CYP20A1: variants seen among roughly 807,000 people sequenced by gnomAD.
The protein encoded by CYP20A1 is cytochrome P450 family 20 subfamily A member 1.
A neutral mutation model predicts 61.4 loss-of-function variants in CYP20A1; 61 were observed. The ratio of observed to expected loss-of-function variants is 0.99; its 90% CI spans 0.81 to 1.23. The LOEUF (loss-of-function observed/expected upper bound fraction) is 1.23, where lower values mean the gene tolerates loss of function less well. Ranked by LOEUF, CYP20A1 falls within the 50% of genes most tolerant of loss-of-function variation. The pLI is 0.00. For missense variants in CYP20A1, 530 were observed against 542.4 expected, an observed-to-expected ratio of 0.98 and a Z score of 0.23; for synonymous variants, 193 against 188.2, an observed-to-expected ratio of 1.03 and a Z score of -0.21.
intron 5 of CYP20A1, among the ~76,000 whole-genome samples, chr2:203,271,525 T>A (rs2067597949): frequency 6.6e-6 from 1 of 152,198 alleles, no homozygotes; most frequent in Non-Finnish European, 1.5e-5. Context: ...TTTCCCTAAA[T>A]TCTTTTTAGA....
At chr2:203,295,418 T>A (rs1371790761) in intron 11 of CYP20A1, among the ~76,000 whole-genome samples, 5 of 152,156 alleles carry the variant, frequency 3.3e-5, no homozygotes, top group Admixed American at 2.0e-4. Context: ...AATTGATAAA[T>A]ATAATTTTAA....
chr2:203,239,470 G>C (rs1448416671), intron 1 of CYP20A1, among the ~76,000 whole-genome samples: 1 of 152,232 alleles, frequency 6.6e-6, no homozygotes, highest in Non-Finnish European at 1.5e-5. Flanking sequence ...ACTTTGGGCA[G>C]CTTTTTGGCC....
intron 4 of CYP20A1, among the ~76,000 whole-genome samples, chr2:203,262,292 A>G (rs1319042420): frequency 7.9e-5 from 12 of 152,142 alleles, no homozygotes; most frequent in Admixed American, 7.9e-4. Context: ...TCCTGGCCTC[A>G]AGTGATCCTC....
intron 4 of CYP20A1, among the ~76,000 whole-genome samples, chr2:203,256,083 C>T (rs1354644562): frequency 6.6e-6 from 1 of 152,196 alleles, no homozygotes; most frequent in Non-Finnish European, 1.5e-5. Context: ...CCCACCCCAG[C>T]CGCCTGAGTA....
rs545531734 is a variant in CYP20A1 at position 203,273,737 on chromosome 2, A to T, written c.679+989A>T. Among the ~76,000 whole-genome samples the T allele has an allele frequency of 7.2e-4, 110 of 152,310 alleles. 2 individuals are homozygous for T. Among genetic ancestry groups the T allele is most frequent in the Middle Eastern group, 3.4e-3 (1 of 294 alleles). ...GGTAGGCAGATTACTTGAGGCCAGG[A>T]GTTCGAGACCAATCTAGCCAACATA... On this transcript the variant is annotated intron_variant, in intron 6 of 12. Transcript: ENST00000356079.
At chr2:203,255,473 G>A (rs2066859612) in intron 4 of CYP20A1, among the ~76,000 whole-genome samples, 1 of 151,996 alleles carries the variant, frequency 6.6e-6, no homozygotes, top group African/African-American at 2.4e-5. Flanking sequence ...GATTTGTATT[G>A]GTTTAAAAAG....
intron 8 of CYP20A1, among the ~76,000 whole-genome samples, chr2:203,283,285 C>T (rs1402793135): frequency 4.4e-5 from 6 of 136,822 alleles, no homozygotes; most frequent in Admixed American, 2.4e-4. Context: ...GGTGCAATCT[C>T]GGCTCACTGC....
chr2:203,292,359 T>G lies in CYP20A1; in HGVS notation c.1148+33T>G, dbSNP rs367840864. 2.6e-5 allele frequency: 40 copies of G among 1,532,966 alleles called. 1 individual carries two copies. The highest frequency in any genetic ancestry group is 1.6e-4 in the African/African-American group (12 of 73,302). The allele number at this position is 1,532,966 out of a possible 1,614,324, so 95.0% of individuals were successfully genotyped here. On this transcript the variant is annotated intron_variant, in intron 11 of 12. Transcript: ENST00000356079. ...ATATTTGTCATTGTATTTGTGACTG[T>G]CAGTTTTTGTGTTTGCACGTTTTGC...
chr2:203,295,237 G>A (rs144119883), intron 11 of CYP20A1, among the ~76,000 whole-genome samples: 1 of 151,790 alleles, frequency 6.6e-6, no homozygotes, highest in African/African-American at 2.4e-5. Flanking sequence ...GAGCCACCGC[G>A]CCTGGCCAAA....
At chr2:203,286,164 C>T (rs1470037565) in intron 9 of CYP20A1, among the ~76,000 whole-genome samples, 1 of 152,180 alleles carries the variant, frequency 6.6e-6, no homozygotes, top group East Asian at 1.9e-4. Context: ...TGGGACGTGC[C>T]TGTAGTCCAA....
At position 203,272,616 on chromosome 2, in the gene CYP20A1, A is replaced by G. The variant is rs1268308875; in HGVS notation, c.601-54A>G. The G allele has an allele frequency of 1.5e-5, 15 of 972,668 alleles. No individual in the cohort carries two copies. In the East Asian group the frequency reaches 4.3e-4, roughly 28 times the overall value. The allele number at this position is 972,668 out of a possible 1,614,324, so 60.3% of individuals were successfully genotyped here. A position where few individuals can be genotyped will look rare whatever the true frequency, so the allele number is the denominator to read the frequency against. ...TCATTAGGTTACATTGCTCTGTATT[A>G]TTTTTAAAATTCTACCTATTAGATA... On this transcript the variant is annotated intron_variant, in intron 5 of 12. Coordinates refer to ENST00000356079, the MANE Select transcript of CYP20A1 (RefSeq NM_177538.3).
chr2:203,292,463 C>T (rs1351349878), intron 11 of CYP20A1, 137 bp downstream of exon 11: 1 of 632,000 alleles, frequency 1.6e-6, no homozygotes, highest in Non-Finnish European at 2.8e-6. Context: ...ATCCCCTTTT[C>T]TTCTCTTTCT....
intron 4 of CYP20A1, among the ~76,000 whole-genome samples, chr2:203,265,468 G>T (rs556077940): frequency 2.0e-5 from 3 of 152,050 alleles, no homozygotes; most frequent in Non-Finnish European, 2.9e-5. Flanking sequence ...TTTATACTTT[G>T]ATTTTGTACA....
rs2069039700 is a variant in CYP20A1, at chr2:203,301,924, T to TG, written c.*5016_*5017insG. On this transcript the variant is annotated 3_prime_UTR_variant, in exon 13 of 13. Transcript: ENST00000356079. ...ACCACTGTTAAGATTCTTTTTTTTTTTTTTTTTTTTTTGTTTTGAGACTGA... is the reference window on the plus strand; with the variant it reads ...ACCACTGTTAAGATTCTTTTTTTTTTGTTTTTTTTTTTTGTTTTGAGACTGA... 1.4e-5 allele frequency among the ~76,000 whole-genome samples: 2 copies of TG among 146,480 alleles called. No homozygotes were observed. The highest frequency in any genetic ancestry group is 1.4e-4 in the Admixed American group (2 of 14,582).
intron 8 of CYP20A1, among the ~76,000 whole-genome samples, chr2:203,284,251 G>T (rs997841627): frequency 3.3e-5 from 5 of 152,130 alleles, no homozygotes; most frequent in Non-Finnish European, 7.4e-5. Flanking sequence ...GCAGGAAAGA[G>T]ATCATTGGTA....
At chr2:203,240,436 G>GA (rs1333608454) in intron 1 of CYP20A1, among the ~76,000 whole-genome samples, 1 of 152,212 alleles carries the variant, frequency 6.6e-6, no homozygotes, top group Non-Finnish European at 1.5e-5. Flanking sequence ...ATCCAGCCGT[G>GA]AAACAAACCG....
At chr2:203,282,569 T>C (rs1425809351) in intron 8 of CYP20A1, among the ~76,000 whole-genome samples, 2 of 152,180 alleles carry the variant, frequency 1.3e-5, no homozygotes, top group East Asian at 1.9e-4. Context: ...TCTAAATCAC[T>C]TGTGCTCCGG....
At chr2:203,269,345 C>T (rs1222100605) in intron 5 of CYP20A1, among the ~76,000 whole-genome samples, 1 of 147,734 alleles carries the variant, frequency 6.8e-6, no homozygotes, top group Non-Finnish European at 1.5e-5. Flanking sequence ...GTCCCAGCTA[C>T]TCAGGAGACT....
chr2:203,240,392 A>C (rs12617502), intron 1 of CYP20A1, among the ~76,000 whole-genome samples: 136,081 of 152,226 alleles, frequency 0.89, 61,664 homozygotes, highest in Non-Finnish European at 0.96. Flanking sequence ...TCTTAGCACT[A>C]GCTATGTGCC....
Sources: allele counts gnomAD v4.1 joint callset (sites outside exome capture counted in the v4.1 genomes callset), GRCh38; gene constraint gnomAD v4.1.1; transcripts MANE v1.5; gene names NCBI Gene and HGNC (gene_info 2026-07-23, HGNC 2026-07-21).